RIC8B: variants seen among roughly 807,000 people sequenced by gnomAD.
RIC8B encodes the protein RIC8 guanine nucleotide exchange factor B, also known as chaperone Ric-8B.
Under a neutral mutation model 57.5 loss-of-function variants are expected in RIC8B, and 16 were observed. The observed-to-expected ratio is 0.28, with a 90% CI of 0.19 to 0.42. The LOEUF (loss-of-function observed/expected upper bound fraction) is 0.42, where lower values mean the gene tolerates loss of function less well. RIC8B is among the 10% of genes least tolerant of loss of function. The pLI, the probability that RIC8B is intolerant of heterozygous loss-of-function variation, is 1.00. For missense variants in RIC8B, 481 were observed against 677.0 expected, an observed-to-expected ratio of 0.71 and a Z score of 3.21; for synonymous variants, 216 against 250.8, an observed-to-expected ratio of 0.86 and a Z score of 1.31.
chr12:106,779,375 A>G (rs1375914803), intron 1 of RIC8B, among the ~76,000 whole-genome samples: 2 of 151,526 alleles, frequency 1.3e-5, no homozygotes, highest in Non-Finnish European at 2.9e-5. Flanking sequence ...GGGACTACAG[A>G]TGTGTGCCAC....
chr12:106,875,367 C>A (rs1053991556), intron 9 of RIC8B, among the ~76,000 whole-genome samples: 2 of 151,948 alleles, frequency 1.3e-5, no homozygotes, highest in African/African-American at 4.8e-5. Context: ...AAAAATAAGC[C>A]CCTGCAACTC....
intron 1 of RIC8B, among the ~76,000 whole-genome samples, chr12:106,776,094 T>TA (rs1428797111): frequency 1.3e-5 from 2 of 152,216 alleles, no homozygotes; most frequent in Non-Finnish European, 2.9e-5. Context: ...AATGATAATG[T>TA]GGTCCCAAGT....
At chr12:106,880,445 T>A (rs1455583735) in intron 9 of RIC8B, among the ~76,000 whole-genome samples, 1 of 152,118 alleles carries the variant, frequency 6.6e-6, no homozygotes, top group Non-Finnish European at 1.5e-5. Flanking sequence ...CCACTCACTT[T>A]ATAGATGGGG....
rs56293147 is a variant in RIC8B, at chr12:106,868,766, GACACACACACACACACAC to G, written c.1452-2025_1452-2008del. ...ATGAGTGTCTAAAGCAGGCACTCTA[GACACACACACACACACAC>G]ACACACACACACACACACACACACA... On this transcript the variant is annotated intron_variant, in intron 8 of 9. Transcript: ENST00000392837. Among the ~76,000 whole-genome samples the G allele has an allele frequency of 1.4e-3, 167 of 123,022 alleles. 2 individuals are homozygous for G. Among genetic ancestry groups the G allele is most frequent in the African/African-American group, 3.7e-3 (118 of 31,834 alleles). The allele number at this position is 123,022 out of a possible 152,430, so 80.7% of individuals were successfully genotyped here. A position where few individuals can be genotyped will look rare whatever the true frequency, so the allele number is the denominator to read the frequency against.
chr12:106,857,863 G>A (rs1026973068), intron 7 of RIC8B, among the ~76,000 whole-genome samples: 2 of 152,058 alleles, frequency 1.3e-5, no homozygotes, highest in African/African-American at 4.8e-5. Flanking sequence ...CCTAATTTTT[G>A]GGTATTTTAT....
At chr12:106,885,589 AAAG>A (rs1414020060) in intron 9 of RIC8B, among the ~76,000 whole-genome samples, 1 of 152,052 alleles carries the variant, frequency 6.6e-6, no homozygotes, top group African/African-American at 2.4e-5. Flanking sequence ...AAAAAAAAAA[AAAG>A]GTTAATTATT....
At chr12:106,881,072 T>C (rs1357600699) in intron 9 of RIC8B, among the ~76,000 whole-genome samples, 1 of 152,216 alleles carries the variant, frequency 6.6e-6, no homozygotes, top group Non-Finnish European at 1.5e-5. Context: ...GAGGATCTGC[T>C]ATCTGCAAGG....
At chr12:106,776,605 T>C (rs2043503503) in intron 1 of RIC8B, among the ~76,000 whole-genome samples, 1 of 152,224 alleles carries the variant, frequency 6.6e-6, no homozygotes, top group African/African-American at 2.4e-5. Flanking sequence ...ATTTGCTTCC[T>C]CCAATTTATC....
chr12:106,880,075 C>T, intron 9 of RIC8B: 1 of 447,420 alleles, frequency 2.2e-6, no homozygotes, highest in South Asian at 9.6e-5. Flanking sequence ...ATAGGACCTT[C>T]ATAATTTAGG....
At chr12:106,880,357 AATAG>A (rs1190248120) in intron 9 of RIC8B, among the ~76,000 whole-genome samples, 1 of 152,152 alleles carries the variant, frequency 6.6e-6, no homozygotes, top group Non-Finnish European at 1.5e-5. Flanking sequence ...CAGCTTTTTA[AATAG>A]ATCAAAATTA....
intron 8 of RIC8B, among the ~76,000 whole-genome samples, chr12:106,862,054 G>A (rs1231581808): frequency 6.6e-6 from 1 of 152,036 alleles, no homozygotes; most frequent in Non-Finnish European, 1.5e-5. Flanking sequence ...TTAGATTTCA[G>A]GAAGTACCTT....
chr12:106,802,581 G>T (rs1478184507), intron 2 of RIC8B, among the ~76,000 whole-genome samples: 1 of 133,740 alleles, frequency 7.5e-6, no homozygotes, highest in Admixed American at 8.0e-5. Flanking sequence ...CATGTTTAAG[G>T]ATTTAGGTCT....
chr12:106,866,109 T>C (rs1333879662), intron 8 of RIC8B, among the ~76,000 whole-genome samples: 1 of 152,230 alleles, frequency 6.6e-6, no homozygotes, highest in Non-Finnish European at 1.5e-5. Context: ...ACATTCCATA[T>C]AACTTACTTA....
intron 2 of RIC8B, among the ~76,000 whole-genome samples, chr12:106,798,806 CA>C (rs2136221553): frequency 6.6e-6 from 1 of 152,238 alleles, no homozygotes; most frequent in African/African-American, 2.4e-5. Flanking sequence ...ACACATTTAT[CA>C]AAAAGCTTTC....
chr12:106,795,605 C>G (rs899916710), intron 2 of RIC8B, among the ~76,000 whole-genome samples: 1 of 152,112 alleles, frequency 6.6e-6, no homozygotes, highest in Non-Finnish European at 1.5e-5. Context: ...TTGGCCAGCA[C>G]TGTCTTGTCT....
intron 4 of RIC8B, among the ~76,000 whole-genome samples, chr12:106,834,685 AAAAAT>A (rs2046503897): frequency 6.6e-6 from 1 of 152,168 alleles, no homozygotes; most frequent in Non-Finnish European, 1.5e-5. Flanking sequence ...TAAAAATAAT[AAAAAT>A]AAAACTATTT....
chr12:106,866,570 C>G (rs1950148548), intron 8 of RIC8B, among the ~76,000 whole-genome samples: 1 of 152,152 alleles, frequency 6.6e-6, no homozygotes, highest in Non-Finnish European at 1.5e-5. Flanking sequence ...TCCTAAAAAC[C>G]CTGATCCCTT....
At position 106,886,974 on chromosome 12, in the gene RIC8B, A is replaced by C. The variant is rs1392187785; in HGVS notation, c.*959A>C. On this transcript the variant is annotated 3_prime_UTR_variant, in exon 10 of 10. Transcript: ENST00000392837. Reference sequence around the variant, plus strand: ...GTGTGTGTGTGAGTTCTACGTTTCTACCATATGTGATCAGTTTAATAGTAA... The same window carrying C: ...GTGTGTGTGTGAGTTCTACGTTTCTCCCATATGTGATCAGTTTAATAGTAA... 5 of 152,540 alleles carry C rather than the reference A, an allele frequency of 3.3e-5. No homozygotes were observed. The highest frequency in any genetic ancestry group is 7.4e-5 in the Non-Finnish European group (5 of 68,008). 9.4% of individuals were successfully genotyped at this position (152,540 alleles called of 1,614,324 possible).
At chr12:106,793,519 T>A (rs2044348686) in intron 2 of RIC8B, among the ~76,000 whole-genome samples, 1 of 152,188 alleles carries the variant, frequency 6.6e-6, no homozygotes, top group Admixed American at 6.5e-5. Context: ...TGAGCTAGAT[T>A]GCTAGAGTGA....
Sources: allele counts gnomAD v4.1 joint callset (sites outside exome capture counted in the v4.1 genomes callset), GRCh38; gene constraint gnomAD v4.1.1; transcripts MANE v1.5; gene names NCBI Gene and HGNC (gene_info 2026-07-23, HGNC 2026-07-21).